Variants in POU6F1 observed in about 807,000 individuals in gnomAD.
POU6F1 encodes the protein POU domain, class 6, transcription factor 1.
POU6F1 carries 9 observed loss-of-function variants against 28.9 expected under a neutral mutation model. That is an observed-to-expected ratio of 0.31 (90% confidence interval 0.19 to 0.54). The LOEUF is 0.54. Ranked by LOEUF, POU6F1 falls within the 20% of genes least tolerant of loss-of-function variation. The probability of loss-of-function intolerance (pLI) is 0.94; values close to 1 mark genes in which losing one functional copy is unlikely to be tolerated. For synonymous variants in POU6F1, 173 were observed against 171.1 expected (o/e 1.01, Z -0.09); for missense variants, 338 against 426.1 (o/e 0.79, Z 1.82).
At chr12:51,191,383 G>C (rs959531933) in intron 10 of POU6F1, among the ~76,000 whole-genome samples, 13 of 151,680 alleles carry the variant, frequency 8.6e-5, no homozygotes, top group African/African-American at 2.9e-4. Flanking sequence ...GCCCAGGATT[G>C]GAGGATAATC....
chr12:51,205,734 G>A (rs1943553312), intron 2 of POU6F1, among the ~76,000 whole-genome samples: 1 of 152,068 alleles, frequency 6.6e-6, no homozygotes, highest in Admixed American at 6.6e-5. Context: ...CATCCCCAAA[G>A]CAGCTCTTGT....
At chr12:51,215,555 CAA>C (rs11415220) in intron 1 of POU6F1, among the ~76,000 whole-genome samples, 19 of 88,578 alleles carry the variant, frequency 2.1e-4, no homozygotes, top group East Asian at 1.6e-3. Context: ...AACCCTGTCT[CAA>C]AAAAAAAAAA....
rs1942308423 is a variant in POU6F1 at position 51,190,325 on chromosome 12, C to CTCACGG, written c.1752_1757dup (p.Asp584_Arg585dup). On this transcript the variant is annotated inframe_insertion, in exon 11 of 11. Coordinates refer to ENST00000333640, the MANE Select transcript of POU6F1 (RefSeq NM_001330422.2). The surrounding 1 kb of genome is among the most constrained non-coding windows in gnomAD (Gnocchi z 4.5). ...GATTGCAGAACCAGACCCGCACTAC[C>CTCACGG]TCACGGTCGTAGTTGAGCTCCTTAG... 6.2e-7 allele frequency: 1 copy of CTCACGG among 1,614,254 alleles called. No individual in the cohort carries two copies.
intron 8 of POU6F1, among the ~76,000 whole-genome samples, chr12:51,193,863 G>A (rs1044771306): frequency 6.6e-6 from 1 of 152,196 alleles, no homozygotes; most frequent in Non-Finnish European, 1.5e-5. Flanking sequence ...AGGAAGTACA[G>A]ATTTCTCCAG....
At position 51,189,235 on chromosome 12, in the gene POU6F1, G is replaced by C. The variant is rs538972905; in HGVS notation, c.*1012C>G. ...TTGTCCTTTCCCCCAGGGCCTTGCT[G>C]TCTGGTTTATTGTTTAATTTGCTCC... On this transcript the variant is annotated 3_prime_UTR_variant, in exon 11 of 11. Coordinates refer to ENST00000333640, the MANE Select transcript of POU6F1 (RefSeq NM_001330422.2). 3 of 152,294 alleles carry C rather than the reference G, an allele frequency of 2.0e-5. No homozygotes were observed. The highest frequency in any genetic ancestry group is 4.8e-5 in the African/African-American group (2 of 41,560). The allele number at this position is 152,294 out of a possible 1,614,324, so 9.4% of individuals were successfully genotyped here. A position where few individuals can be genotyped will look rare whatever the true frequency, so the allele number is the denominator to read the frequency against.
intron 3 of POU6F1, among the ~76,000 whole-genome samples, chr12:51,200,546 C>T (rs1331752642): frequency 6.6e-6 from 1 of 152,192 alleles, no homozygotes; most frequent in South Asian, 2.1e-4. Context: ...CCTTAGCCTA[C>T]ACACGTACTG....
rs1942956445 is a variant in POU6F1, at chr12:51,198,037, C to T, written c.593-14G>A. 2.5e-6 allele frequency: 1 copy of T among 399,266 alleles called. No individual in the cohort carries two copies. The highest frequency in any genetic ancestry group is 4.4e-5 in the Admixed American group (1 of 22,708). The allele number at this position is 399,266 out of a possible 1,614,324, so 24.7% of individuals were successfully genotyped here. The stretch of plus-strand genomic sequence containing the variant: ...GCACAGCAGCTGCTATGGAGCAAGG[C>T]AGAGACAGAGGTGCTCAAATGCCTA... On this transcript the variant is annotated splice_polypyrimidine_tract_variant and intron_variant, in intron 5 of 10. Coordinates refer to ENST00000333640, the MANE Select transcript of POU6F1 (RefSeq NM_001330422.2).
At chr12:51,208,725 C>T (rs1265989760) in intron 1 of POU6F1, among the ~76,000 whole-genome samples, 1 of 152,120 alleles carries the variant, frequency 6.6e-6, no homozygotes, top group Non-Finnish European at 1.5e-5. Context: ...CTGCTTGAGC[C>T]CAGGAGTTCG....
In POU6F1 at chr12:51,196,852, T is replaced by C. The variant is rs370576673; in HGVS notation, c.922A>G (p.Ile308Val). 3.7e-6 allele frequency: 6 copies of C among 1,613,942 alleles called. No individual in the cohort carries two copies. The highest frequency in any genetic ancestry group is 5.1e-6 in the Non-Finnish European group (6 of 1,179,956). Residue 308 changes from isoleucine to valine, a missense_variant, in exon 7 of 11, where the codon ATT becomes GTT. By Grantham distance (29) the Ile-to-Val change is conservative. Coordinates refer to ENST00000333640, the MANE Select transcript of POU6F1 (RefSeq NM_001330422.2). ...LTTAPVITSA[I>V]PSMPGISSQI... The stretch of plus-strand genomic sequence containing the variant: ...CTGCTGATCCCTGGCATGCTGGGAA[T>C]GGCGCTGGTAATGACTGGAGCTGTA...
chr12:51,195,163 G>A (rs926316390), intron 8 of POU6F1, among the ~76,000 whole-genome samples: 58 of 152,228 alleles, frequency 3.8e-4, no homozygotes, highest in Admixed American at 1.0e-3. Flanking sequence ...TTGCTATGTC[G>A]TCCAGGCTGG....
intron 9 of POU6F1, among the ~76,000 whole-genome samples, chr12:51,192,058 C>T (rs894168610): frequency 2.6e-5 from 4 of 152,188 alleles, no homozygotes; most frequent in Admixed American, 1.3e-4. Flanking sequence ...CACCCACATT[C>T]CTCAAATACT....
At chr12:51,195,509 A>C (rs1942754352) in intron 8 of POU6F1, among the ~76,000 whole-genome samples, 2 of 46,482 alleles carry the variant, frequency 4.3e-5, no homozygotes, top group Non-Finnish European at 7.9e-5. Context: ...AGCACTTGGA[A>C]TAATAGTAGG....
chr12:51,211,369 G>A (rs1292238058), intron 1 of POU6F1, among the ~76,000 whole-genome samples: 1 of 152,180 alleles, frequency 6.6e-6, no homozygotes, highest in African/African-American at 2.4e-5. Context: ...TTTGAAAAAC[G>A]CCTGGATCAG....
Position 51,206,901 on chromosome 12 carries a change from G to A in POU6F1, c.-47-18C>T, listed in dbSNP as rs1365963221. The A allele has an allele frequency of 2.5e-6, 1 of 398,388 alleles. No individual in the cohort carries two copies. The highest frequency in any genetic ancestry group is 3.6e-5 in the East Asian group (1 of 28,048). 24.7% of individuals were successfully genotyped at this position (398,388 alleles called of 1,614,324 possible). ...AGCACATCCTGGGTAAGATGGGATTGGAAAGGCAAAGGGTGATGTGACACA... is the reference window on the plus strand; with the variant it reads ...AGCACATCCTGGGTAAGATGGGATTAGAAAGGCAAAGGGTGATGTGACACA... On this transcript the variant is annotated intron_variant, in intron 1 of 10. Transcript: ENST00000333640.
At chr12:51,205,979 C>T (rs1265272934) in intron 2 of POU6F1, among the ~76,000 whole-genome samples, 4 of 150,112 alleles carry the variant, frequency 2.7e-5, no homozygotes, top group South Asian at 2.1e-4. Flanking sequence ...CCACCACGCC[C>T]GGCTAATTTT....
At chr12:51,192,276 G>A in intron 9 of POU6F1, 54 bp downstream of exon 9, 1 of 1,589,546 alleles carries the variant, frequency 6.3e-7, no homozygotes, top group Non-Finnish European at 8.6e-7. Context: ...GAGATTGGGT[G>A]CCCACATAAA....
rs1943006567 is a variant in POU6F1 at position 51,198,582 on chromosome 12, C to G, written c.560G>C (p.Gly187Ala). The change falls in exon 5 of 11, where the codon GGA becomes GCA. Residue 187 changes from glycine to alanine, a missense_variant. Gly to Ala is a moderately conservative substitution (Grantham distance 60, BLOSUM62 0). Transcript: ENST00000333640. The stretch of plus-strand genomic sequence containing the variant: ...ACCGGCTAAAGGTGGCTTGAACACT[C>G]CCCCCGTAGGAGAAGCAGCGGTCAG... ...PGLTAASPTG[G>A]VFKPPLAGLQ... 2.5e-6 allele frequency: 1 copy of G among 399,244 alleles called. No individual in the cohort carries two copies. Among genetic ancestry groups the G allele is most frequent in the Non-Finnish European group, 4.4e-6 (1 of 226,268 alleles). The allele number at this position is 399,244 out of a possible 1,614,324, so 24.7% of individuals were successfully genotyped here.
intron 5 of POU6F1, among the ~76,000 whole-genome samples, 175 bp downstream of exon 5, chr12:51,198,375 C>G (rs899933343): frequency 9.9e-5 from 15 of 152,206 alleles, no homozygotes; most frequent in African/African-American, 3.6e-4. Flanking sequence ...TCACGGCCTA[C>G]AGTCCCGAGG....
intron 1 of POU6F1, among the ~76,000 whole-genome samples, chr12:51,208,414 A>C (rs921104845): frequency 6.6e-6 from 1 of 152,210 alleles, no homozygotes; most frequent in Non-Finnish European, 1.5e-5. Flanking sequence ...GACATTTTAT[A>C]TAACACAATT....
Sources: allele counts gnomAD v4.1 joint callset (sites outside exome capture counted in the v4.1 genomes callset), GRCh38; gene constraint gnomAD v4.1.1; non-coding constraint Gnocchi (gnomAD v3.1); transcripts MANE v1.5; gene names NCBI Gene and HGNC (gene_info 2026-07-23, HGNC 2026-07-21).